The following ZNF540 variants were observed in gnomAD, a reference collection of about 807,000 sequenced individuals.
ZNF540 encodes the protein zinc finger protein 540.
In ZNF540, 3 loss-of-function variants were observed where a neutral mutation model predicts 11.8. The ratio of observed to expected loss-of-function variants is 0.25; its 90% confidence interval spans 0.12 to 0.65. The LOEUF (loss-of-function observed/expected upper bound fraction) is 0.65. Ranked by LOEUF, ZNF540 falls within the 30% of genes least tolerant of loss-of-function variation. The pLI is 0.83. For missense variants in ZNF540, 709 were observed against 793.1 expected (o/e 0.89, Z 1.27); for synonymous variants, 247 against 259.0 (o/e 0.95, Z 0.45).
At chr19:37,599,131 G>A (rs571328193) in intron 2 of ZNF540, among the ~76,000 whole-genome samples, 4 of 152,164 alleles carry the variant, frequency 2.6e-5, no homozygotes, top group South Asian at 4.2e-4. Context: ...GTACTCCAGC[G>A]TGGGCAACAG....
chr19:37,598,370 A>T lies in ZNF540; in HGVS notation c.-72-6A>T. The T allele has an allele frequency of 2.0e-6, 3 of 1,530,416 alleles. No individual in the cohort carries two copies. The highest frequency in any genetic ancestry group is 2.8e-5 in the African/African-American group (2 of 72,560). The allele number at this position is 1,530,416 out of a possible 1,614,324, so 94.8% of individuals were successfully genotyped here. A position where few individuals can be genotyped will look rare whatever the true frequency, so the allele number is the denominator to read the frequency against. On this transcript the variant is annotated splice_region_variant and splice_polypyrimidine_tract_variant and intron_variant, in intron 1 of 4. Coordinates refer to ENST00000316433, the MANE Select transcript of ZNF540 (RefSeq NM_001172225.3). ...CACTGTCTCATTTTTTTCTCCTCTA[A>T]CTCAGGCTTCTCAGAACTTTGCTTC... is the stretch of plus-strand genomic sequence containing the variant.
At chr19:37,552,635 ATTC>A (rs2042617757) in intron 1 of ZNF540, among the ~76,000 whole-genome samples, 1 of 152,170 alleles carries the variant, frequency 6.6e-6, no homozygotes, top group South Asian at 2.1e-4. Flanking sequence ...CCCTGGTAAT[ATTC>A]TTTGTTTCAA....
chr19:37,577,126 G>A (rs1440246122), intron 1 of ZNF540, among the ~76,000 whole-genome samples: 2 of 152,092 alleles, frequency 1.3e-5, no homozygotes, highest in African/African-American at 2.4e-5. Flanking sequence ...AATTTAAGGC[G>A]AAAGGAAAAT....
At chr19:37,583,276 C>A (rs905633393) in intron 1 of ZNF540, among the ~76,000 whole-genome samples, 1 of 152,178 alleles carries the variant, frequency 6.6e-6, no homozygotes, top group African/African-American at 2.4e-5. Flanking sequence ...AGATACTTAT[C>A]CAAGTTTAAC....
chr19:37,607,688 C>T (rs1293192963), intron 4 of ZNF540, among the ~76,000 whole-genome samples: 2 of 152,110 alleles, frequency 1.3e-5, no homozygotes, highest in Non-Finnish European at 2.9e-5. Context: ...TCTGGATGTA[C>T]CACAGCTTAA....
At position 37,612,018 on chromosome 19, in the gene ZNF540, A is replaced by G; in HGVS notation, c.738A>G (p.Gln246=). Residue 246 remains glutamine, a synonymous_variant, in exon 5 of 5, where the codon CAA becomes CAG. Transcript: ENST00000316433. ...CTGGTGAGAAACCCTATGAATGTCA[A>G]GAATGTGGGAAGACCTTTACTCTTT... ...FHTGEKPYEC[Q]ECGKTFTLYP... 1 of 1,613,674 alleles carries G rather than the reference A, an allele frequency of 6.2e-7. No homozygotes were observed. The highest frequency in any genetic ancestry group is 8.5e-7 in the Non-Finnish European group (1 of 1,179,940).
upstream of ZNF540, among the ~76,000 whole-genome samples, chr19:37,592,971 C>CT (rs1315930293): frequency 6.6e-6 from 1 of 152,136 alleles, no homozygotes; most frequent in Middle Eastern, 3.2e-3. Flanking sequence ...TGTGTGGACT[C>CT]TATCTGGATC....
rs145957403 is a variant in ZNF540, at chr19:37,565,126, A to T, written c.-73+13461A>T. 5.0e-6 allele frequency: 8 copies of T among 1,613,002 alleles called. No homozygotes were observed. In the African/African-American group the frequency reaches 1.1e-4, roughly 22 times the overall value. ...CTGTATGAATTCTCTGATGTTCACT[A>T]AGTTGTTTGCCACAAATAAAGGCCT... On this transcript the variant is annotated intron_variant, in intron 1 of 4. Coordinates refer to the ZNF540 transcript ENST00000592533.
chr19:37,584,105 A>C (rs200986815), intron 1 of ZNF540: 3 of 1,614,066 alleles, frequency 1.9e-6, no homozygotes, highest in Middle Eastern at 1.7e-4. Context: ...CAACTGAAAC[A>C]ACAAATCCAT....
intron 1 of ZNF540, chr19:37,556,176 C>G (rs2042657796): frequency 1.4e-6 from 1 of 694,474 alleles, no homozygotes; most frequent in Non-Finnish European, 2.6e-6. Flanking sequence ...GAACAGTACA[C>G]ATAAATCAAC....
intron 1 of ZNF540, among the ~76,000 whole-genome samples, chr19:37,577,371 C>T (rs1373972750): frequency 6.6e-6 from 1 of 152,166 alleles, no homozygotes; most frequent in African/African-American, 2.4e-5. Context: ...TTGAACCAAA[C>T]CTAGCCCCAA....
At chr19:37,572,060 A>G (rs2043078775) in intron 1 of ZNF540, among the ~76,000 whole-genome samples, 1 of 152,258 alleles carries the variant, frequency 6.6e-6, no homozygotes, top group Non-Finnish European at 1.5e-5. Context: ...ACAATGAGAA[A>G]AATTCACATA....
At chr19:37,559,630 A>G (rs1040539501) in intron 1 of ZNF540, among the ~76,000 whole-genome samples, 1 of 152,246 alleles carries the variant, frequency 6.6e-6, no homozygotes, top group Non-Finnish European at 1.5e-5. Flanking sequence ...TGAAAGGTTG[A>G]CTTATCTGTT....
At position 37,564,723 on chromosome 19, in the gene ZNF540, G is replaced by A. The variant is rs775259902; in HGVS notation, c.-73+13058G>A. The A allele has an allele frequency of 1.5e-5, 24 of 1,613,500 alleles. No homozygotes were observed. The East Asian group carries it at 3.1e-4, about 21-fold the overall frequency. On this transcript the variant is annotated intron_variant, in intron 1 of 4. Coordinates refer to the ZNF540 transcript ENST00000592533. Reference sequence around the variant, plus strand: ...TGATGCAGAGTAAGTTCTGAGCCACGACTAAAGGCCCTCCCACATTCCTTA... The same window carrying A: ...TGATGCAGAGTAAGTTCTGAGCCACAACTAAAGGCCCTCCCACATTCCTTA...
intron 1 of ZNF540, among the ~76,000 whole-genome samples, chr19:37,581,242 A>G (rs1034332799): frequency 6.6e-6 from 1 of 152,134 alleles, no homozygotes. Flanking sequence ...CCTACCCCCA[A>G]TTGCCAAATC....
chr19:37,589,194 C>T (rs1467216473), intron 1 of ZNF540, among the ~76,000 whole-genome samples: 1 of 113,260 alleles, frequency 8.8e-6, no homozygotes, highest in Non-Finnish European at 1.9e-5. Context: ...GAGCCAAACT[C>T]CGTCTCAAAA....
At chr19:37,566,285 T>C in intron 1 of ZNF540, 1 of 1,603,046 alleles carries the variant, frequency 6.2e-7, no homozygotes, top group Non-Finnish European at 8.5e-7. Flanking sequence ...ACAACTGGAT[T>C]CCAAGTCTGT....
intron 1 of ZNF540, chr19:37,565,943 T>A: frequency 6.2e-7 from 1 of 1,613,864 alleles, no homozygotes; most frequent in Non-Finnish European, 8.5e-7. Flanking sequence ...TTTTTCTATA[T>A]TATGATTTTC....
upstream of ZNF540, chr19:37,594,122 C>G (rs1424392055): frequency 6.6e-6 from 1 of 152,248 alleles, no homozygotes; most frequent in Admixed American, 6.5e-5. Flanking sequence ...ACAGGGCTGT[C>G]AAGCTAGAAT....
Sources: gnomAD v4.1 joint callset for allele counts (sites outside exome capture counted in the v4.1 genomes callset) on GRCh38, gnomAD v4.1.1 for gene constraint, MANE v1.5 for transcripts, NCBI Gene and HGNC (gene_info 2026-07-23, HGNC 2026-07-21) for gene names.